UTY: variants seen among roughly 807,000 people sequenced by gnomAD.
UTY encodes ubiquitously transcribed tetratricopeptide repeat containing, Y-linked.
In UTY, 12 loss-of-function variants were observed where a neutral mutation model predicts 32.5. The observed-to-expected ratio is 0.37, with a 90% confidence interval of 0.24 to 0.60. The LOEUF (loss-of-function observed/expected upper bound fraction) is 0.60, where lower values mean the gene tolerates loss of function less well. UTY is among the 20% of genes least tolerant of loss of function. The pLI is 0.69. For synonymous variants in UTY, 131 were observed against 103.4 expected, an observed-to-expected ratio of 1.27 and a Z score of -1.62; for missense variants, 303 against 299.2, an observed-to-expected ratio of 1.01 and a Z score of -0.09.
Position 13,249,871 on chromosome Y carries a change from T to C in UTY, c.4320A>G (p.Leu1440=), listed in dbSNP as rs757128744. The change falls in exon 30 of 30, where the codon TTA becomes TTG. Residue 1440 remains leucine (L), a synonymous_variant. Transcript: ENST00000545955. The stretch of plus-strand genomic sequence containing the variant: ...TGGAACTATATCAAGATGAGGATGA[T>C]AATGAAAGAGCCTAGAAATAAAAGT... ...VYDQFTLALS[L]SSSS The C allele has an allele frequency of 1.1e-5, 3 of 276,057 alleles. No individual in the cohort carries two copies. The highest frequency in any genetic ancestry group is 1.6e-5 in the Non-Finnish European group (3 of 184,104). The allele number at this position is 276,057 out of a possible 400,897, so 68.9% of individuals were successfully genotyped here.
At chrY:13,479,075 G>A in intron 2 of UTY, 179 bp downstream of exon 2, 1 of 150,520 alleles carries the variant, frequency 6.6e-6, no homozygotes, top group Non-Finnish European at 1.2e-5. Flanking sequence ...CAGAGTAGAA[G>A]GGAGTCTGGA....
chrY:13,266,933 T>C (rs2055868054), intron 27 of UTY, among the ~76,000 whole-genome samples: 1 of 32,904 alleles, frequency 3.0e-5, no homozygotes, highest in Non-Finnish European at 7.4e-5. Context: ...AATTATGTGG[T>C]CAGTTTCAAA....
chrY:13,354,831 G>A, intron 17 of UTY, 172 bp downstream of exon 17: 1 of 359,413 alleles, frequency 2.8e-6, no homozygotes, highest in Non-Finnish European at 3.8e-6. Flanking sequence ...GTCCAAGGTA[G>A]GCCTGTAATG....
Position 13,369,358 on chromosome Y carries a change from CA to C in UTY, c.646-10del, listed in dbSNP as rs2064654010. ...GCAGAATGATACTTCCTCTAAAGAG[CA>C]AAGGAAAAAGAATATTTAGAGAAAA... On this transcript the variant is annotated splice_polypyrimidine_tract_variant and intron_variant, in intron 8 of 29. Coordinates refer to ENST00000545955, the MANE Select transcript of UTY (RefSeq NM_001258249.2). 2.5e-5 allele frequency: 7 copies of C among 283,644 alleles called. No homozygotes were observed. Among genetic ancestry groups the C allele is most frequent in the African/African-American group, 7.7e-5 (1 of 13,033 alleles). 70.8% of individuals were successfully genotyped at this position (283,644 alleles called of 400,897 possible).
chrY:13,271,458 A>C, intron 27 of UTY, among the ~76,000 whole-genome samples: 1 of 33,772 alleles, frequency 3.0e-5, no homozygotes, highest in East Asian at 7.7e-4. Flanking sequence ...CAGGTATACA[A>C]AAAAGGAAGC....
In UTY at chrY:13,400,000, T is replaced by C. The variant is rs1017233008; in HGVS notation, c.556-3028A>G. ...TTCCCTTTGTCTTGTCATTTCTCTA[T>C]AAATTTACTGTTCCTTTGGTTACAT... On this transcript the variant is annotated intron_variant, in intron 6 of 29. Transcript: ENST00000545955. Among the ~76,000 whole-genome samples the C allele has an allele frequency of 8.9e-5, 3 of 33,701 alleles. No individual in the cohort carries two copies. In the East Asian group the frequency reaches 2.3e-3, roughly 26 times the overall value. 90.4% of individuals were successfully genotyped at this position (33,701 alleles called of 37,273 possible). A position where few individuals can be genotyped will look rare whatever the true frequency, so the allele number is the denominator to read the frequency against.
At chrY:13,392,261 T>A in intron 8 of UTY, among the ~76,000 whole-genome samples, 1 of 33,621 alleles carries the variant, frequency 3.0e-5, no homozygotes, top group Non-Finnish European at 7.4e-5. Context: ...AAAAAAGACA[T>A]ACCCAAAACG....
intron 6 of UTY, among the ~76,000 whole-genome samples, chrY:13,399,240 G>A: frequency 3.0e-5 from 1 of 33,072 alleles, no homozygotes. Flanking sequence ...TCTGAAACAC[G>A]TCACAACATT....
intron 5 of UTY, among the ~76,000 whole-genome samples, chrY:13,414,004 T>C: frequency 5.8e-5 from 2 of 34,518 alleles, no homozygotes; most frequent in Non-Finnish European, 1.5e-4. Flanking sequence ...CCTTTGTCAG[T>C]ACCCTTCCCA....
intron 17 of UTY, among the ~76,000 whole-genome samples, chrY:13,353,026 G>A (rs762900260): frequency 2.9e-5 from 1 of 34,318 alleles, no homozygotes; most frequent in East Asian, 7.7e-4. Context: ...AAAGCAGCAA[G>A]TTATCCAGAA....
intron 21 of UTY, chrY:13,323,066 A>G: frequency 4.3e-6 from 1 of 229,980 alleles, no homozygotes; most frequent in Non-Finnish European, 5.3e-6. Flanking sequence ...TTTCTCCATT[A>G]GCAATGTGTG....
At chrY:13,378,063 A>G (rs1603444788) in intron 8 of UTY, among the ~76,000 whole-genome samples, 2 of 33,731 alleles carry the variant, frequency 5.9e-5, no homozygotes, top group South Asian at 1.3e-3. Flanking sequence ...ATTTCAACAT[A>G]TAAGTTTATA....
At chrY:13,329,006 G>A in intron 18 of UTY, among the ~76,000 whole-genome samples, 2 of 33,049 alleles carry the variant, frequency 6.1e-5, no homozygotes, top group African/African-American at 2.4e-4. Flanking sequence ...CAAGGTTGTC[G>A]CAATCATAAA....
chrY:13,470,062 G>A, intron 3 of UTY, 59 bp downstream of exon 3: 3 of 254,469 alleles, frequency 1.2e-5, no homozygotes, highest in South Asian at 1.1e-4. Context: ...AGGAAAAAAC[G>A]TTACAACTAT....
chrY:13,259,760 A>G (rs991736399), intron 28 of UTY, among the ~76,000 whole-genome samples: 1 of 34,330 alleles, frequency 2.9e-5, no homozygotes, highest in African/African-American at 1.1e-4. Context: ...GTTTGTATTT[A>G]TATTTAACCT....
chrY:13,387,580 T>A, intron 8 of UTY, among the ~76,000 whole-genome samples: 2 of 33,322 alleles, frequency 6.0e-5, no homozygotes, highest in African/African-American at 2.3e-4. Context: ...GAAGCTGAGG[T>A]GGGTGGATCA....
intron 4 of UTY, among the ~76,000 whole-genome samples, chrY:13,416,738 T>A: frequency 5.9e-5 from 2 of 34,024 alleles, no homozygotes; most frequent in Non-Finnish European, 1.5e-4. Context: ...TTATATTTAG[T>A]CTTTATTGAT....
At chrY:13,315,858 T>A (rs777917773) in intron 21 of UTY, among the ~76,000 whole-genome samples, 1 of 31,890 alleles carries the variant, frequency 3.1e-5, no homozygotes, top group African/African-American at 1.2e-4. Context: ...CTTACCTACC[T>A]ATGGCCTGAA....
chrY:13,299,616 A>G (rs775452273), intron 25 of UTY, among the ~76,000 whole-genome samples: 2 of 31,866 alleles, frequency 6.3e-5, no homozygotes, highest in East Asian at 8.1e-4. Flanking sequence ...AACAAAACAA[A>G]AAACAAACAA....
Sources: gnomAD v4.1 joint callset for allele counts (sites outside exome capture counted in the v4.1 genomes callset) on GRCh38, gnomAD v4.1.1 for gene constraint, MANE v1.5 for transcripts, NCBI Gene and HGNC (gene_info 2026-07-23, HGNC 2026-07-21) for gene names.